Variants in E2F5 observed in about 807,000 individuals in gnomAD.
E2F5 encodes the protein transcription factor E2F5.
Under a neutral mutation model 39.1 loss-of-function variants are expected in E2F5, and 23 were observed. The observed-to-expected ratio is 0.59, with a 90% CI of 0.42 to 0.83. E2F5 has a LOEUF of 0.83. E2F5 is among the 40% of genes least tolerant of loss of function. E2F5 has a pLI of 0.00. For synonymous variants in E2F5, 145 were observed against 157.8 expected, an observed-to-expected ratio of 0.92 and a Z score of 0.61; for missense variants, 365 against 406.7, an observed-to-expected ratio of 0.90 and a Z score of 0.88.
intron 1 of E2F5, among the ~76,000 whole-genome samples, chr8:85,185,331 G>T (rs912170623): frequency 1.3e-5 from 2 of 151,890 alleles, no homozygotes; most frequent in Admixed American, 6.6e-5. Flanking sequence ...TGAAACTGGA[G>T]CCCTTCCTTA....
chr8:85,206,202 A>T lies in E2F5; in HGVS notation c.532A>T (p.Ile178Phe). 6.2e-7 allele frequency: 1 copy of T among 1,613,340 alleles called. No individual in the cohort carries two copies. The change falls in exon 4 of 8, where the codon ATC becomes TTC. Residue 178 changes from isoleucine (I) to phenylalanine (F), a missense_variant. Transcript: ENST00000416274. Reference protein sequence around the residue: ...NRFSYVTHEDICNCFNGDTLL... With the variant: ...NRFSYVTHEDFCNCFNGDTLL... Reference sequence around the variant, plus strand: ...ATTTTCCTATGTAACTCATGAAGACATCTGTAATTGCTTTAATGGTAAGTA... The same window carrying T: ...ATTTTCCTATGTAACTCATGAAGACTTCTGTAATTGCTTTAATGGTAAGTA...
intron 5 of E2F5, among the ~76,000 whole-genome samples, chr8:85,208,384 A>C (rs1315108634): frequency 6.6e-6 from 1 of 152,230 alleles, no homozygotes; most frequent in South Asian, 2.1e-4. Flanking sequence ...CCACTGAGGA[A>C]AAAGTTCAAT....
At chr8:85,209,590 T>C (rs1812872937) in intron 6 of E2F5, among the ~76,000 whole-genome samples, 181 bp downstream of exon 6, 1 of 152,262 alleles carries the variant, frequency 6.6e-6, no homozygotes, top group Non-Finnish European at 1.5e-5. Flanking sequence ...AGTATTCATT[T>C]GTTTCATACA....
At chr8:85,201,941 A>G in intron 1 of E2F5, 1 of 551,894 alleles carries the variant, frequency 1.8e-6, no homozygotes, top group Non-Finnish European at 3.1e-6. Flanking sequence ...TTTCTGTTCC[A>G]ACATCTGCTA....
intron 1 of E2F5, among the ~76,000 whole-genome samples, chr8:85,191,420 T>A (rs1812461063): frequency 6.6e-6 from 1 of 152,172 alleles, no homozygotes; most frequent in East Asian, 1.9e-4. Flanking sequence ...GAAAATAGAA[T>A]TTGAGTGTTC....
chr8:85,180,744 A>AT (rs1171220789), intron 1 of E2F5, among the ~76,000 whole-genome samples: 12 of 148,696 alleles, frequency 8.1e-5, no homozygotes, highest in Admixed American at 2.7e-4. Context: ...CGCCCGGCTA[A>AT]TTTTTTTTGT....
intron 1 of E2F5, among the ~76,000 whole-genome samples, chr8:85,190,109 G>A (rs953872694): frequency 1.3e-5 from 2 of 152,122 alleles, no homozygotes; most frequent in African/African-American, 2.4e-5. Flanking sequence ...CTGCCACCTC[G>A]TCTATGCACT....
At chr8:85,210,339 C>A (rs926174677) in intron 6 of E2F5, among the ~76,000 whole-genome samples, 4 of 152,020 alleles carry the variant, frequency 2.6e-5, no homozygotes, top group African/African-American at 9.7e-5. Context: ...CTTTCTTTCC[C>A]CTATAAATAT....
chr8:85,207,582 G>C (rs922242832), intron 5 of E2F5, 93 bp downstream of exon 5: 3 of 1,017,622 alleles, frequency 2.9e-6, no homozygotes, highest in Non-Finnish European at 4.3e-6. Flanking sequence ...AGCTAATTGT[G>C]TAAACACTGT....
chr8:85,205,258 G>C (rs1314093492), intron 3 of E2F5, among the ~76,000 whole-genome samples: 1 of 149,690 alleles, frequency 6.7e-6, no homozygotes, highest in African/African-American at 2.5e-5. Context: ...TTTTTCCTGA[G>C]ATGGAGTCGC....
chr8:85,206,082 TG>T, intron 3 of E2F5, 94 bp from the exon 4 acceptor site: 1 of 1,178,094 alleles, frequency 8.5e-7, no homozygotes, highest in Non-Finnish European at 1.3e-6. Flanking sequence ...TCTGTGCATA[TG>T]GTCATTTAGT....
At chr8:85,206,279 AT>A in intron 4 of E2F5, 59 bp downstream of exon 4, 2 of 1,506,834 alleles carry the variant, frequency 1.3e-6, no homozygotes, top group Non-Finnish European at 1.8e-6. Flanking sequence ...GTGGAGGGTG[AT>A]TCAGAATTCC....
At position 85,191,957 on chromosome 8, in the gene E2F5, G is replaced by T. The variant is rs548452041; in HGVS notation, c.235-10190G>T. The stretch of plus-strand genomic sequence containing the variant: ...GAGAAACATGTGGGTACATTTGAGA[G>T]GCTATAAATCAGATGACTGTTGTGT... On this transcript the variant is annotated intron_variant, in intron 1 of 7. Coordinates refer to ENST00000416274, the MANE Select transcript of E2F5 (RefSeq NM_001951.4). Among the ~76,000 whole-genome samples the T allele has an allele frequency of 5.9e-5, 9 of 152,256 alleles. No individual in the cohort carries two copies. In the South Asian group the frequency reaches 1.7e-3, roughly 28 times the overall value.
At chr8:85,203,304 A>G (rs1587496028) in intron 3 of E2F5, 49 bp downstream of exon 3, 3 of 1,422,648 alleles carry the variant, frequency 2.1e-6, no homozygotes, top group Non-Finnish European at 2.8e-6. Context: ...TGGAATATGT[A>G]TGTATAAATC....
chr8:85,202,848 C>T (rs1252822974), intron 2 of E2F5, among the ~76,000 whole-genome samples: 1 of 152,078 alleles, frequency 6.6e-6, no homozygotes, highest in Non-Finnish European at 1.5e-5. Flanking sequence ...GTCTGGCCTT[C>T]CAGATGACAA....
At chr8:85,184,881 A>G (rs1587482321) in intron 1 of E2F5, among the ~76,000 whole-genome samples, 1 of 152,316 alleles carries the variant, frequency 6.6e-6, no homozygotes, top group East Asian at 1.9e-4. Flanking sequence ...ACAAATGGAA[A>G]AACATTCTAT....
rs1423640024 is a variant in E2F5, at chr8:85,203,269, T to G, written c.506+14T>G. 4.4e-6 allele frequency: 7 copies of G among 1,577,624 alleles called. No homozygotes were observed. The highest frequency in any genetic ancestry group is 3.6e-5 in the Admixed American group (2 of 55,394). On this transcript the variant is annotated intron_variant, in intron 3 of 7. Transcript: ENST00000416274. ...CATTAATAATAGATATCCTTTTAAA[T>G]AAGTTATGCATATACATATAGCTTT...
At chr8:85,205,812 A>G (rs556153367) in intron 3 of E2F5, among the ~76,000 whole-genome samples, 2 of 152,346 alleles carry the variant, frequency 1.3e-5, no homozygotes, top group Non-Finnish European at 2.9e-5. Context: ...TAATACAAGA[A>G]CAAAAAACAA....
At chr8:85,194,475 T>C (rs908995122) in intron 1 of E2F5, among the ~76,000 whole-genome samples, 1 of 152,024 alleles carries the variant, frequency 6.6e-6, no homozygotes, top group Non-Finnish European at 1.5e-5. Context: ...ATTTTGTGTA[T>C]AACTTAGTTT....
Sources: gnomAD v4.1 joint callset for allele counts (sites outside exome capture counted in the v4.1 genomes callset) on GRCh38, gnomAD v4.1.1 for gene constraint, MANE v1.5 for transcripts, NCBI Gene and HGNC (gene_info 2026-07-23, HGNC 2026-07-21) for gene names.